Variants in MAU2 observed in about 807,000 individuals in gnomAD.
MAU2 encodes the protein MAU2 chromatid cohesion factor homolog.
Under a neutral mutation model 89.1 loss-of-function variants are expected in MAU2, and 9 were observed. The ratio of observed to expected loss-of-function variants is 0.10; its 90% CI spans 0.06 to 0.18. MAU2 has a LOEUF of 0.18. Ranked by LOEUF, MAU2 falls within the 10% of genes least tolerant of loss-of-function variation. The pLI, the probability that MAU2 is intolerant of heterozygous loss-of-function variation, is 1.00. For missense variants in MAU2, 425 were observed against 803.5 expected (o/e 0.53, Z 5.69); for synonymous variants, 357 against 343.4 (o/e 1.04, Z -0.44).
chr19:19,335,965 C>T lies in MAU2; in HGVS notation c.295-157C>T, dbSNP rs75346370. ...GCTCCAAGCCCTGCCCTGCAGCAAG[C>T]TCAAGGTTCACTGGGGGAACAGGAA... On this transcript the variant is annotated intron_variant, in intron 2 of 18. Coordinates refer to ENST00000262815, the MANE Select transcript of MAU2 (RefSeq NM_015329.4). 9.5e-3 allele frequency among the ~76,000 whole-genome samples: 1,442 copies of T among 152,198 alleles called. 24 individuals carry two copies. The highest frequency in any genetic ancestry group is 0.033 in the African/African-American group (1,353 of 41,506).
intron 16 of MAU2, 25 bp downstream of exon 16, chr19:19,349,461 C>T (rs755341065): frequency 6.9e-6 from 11 of 1,598,192 alleles, no homozygotes; most frequent in Middle Eastern, 1.7e-4. Flanking sequence ...CTGGGCCCCT[C>T]GCTTGGGTGC....
chr19:19,324,875 T>C (rs528129604), intron 1 of MAU2, among the ~76,000 whole-genome samples: 1 of 152,348 alleles, frequency 6.6e-6, no homozygotes, highest in African/African-American at 2.4e-5. Context: ...GAATTTTTTT[T>C]GTGTTACAAC....
intron 7 of MAU2, 140 bp downstream of exon 7, chr19:19,341,547 G>GAC (rs2061646939): frequency 9.7e-7 from 1 of 1,035,158 alleles, no homozygotes; most frequent in Non-Finnish European, 1.4e-6. Flanking sequence ...ACCAGTCCCG[G>GAC]ACACACACAC....
rs779730747 is a variant in MAU2, at chr19:19,344,945, A to G, written c.1155+19A>G. 103 of 1,610,572 alleles carry G rather than the reference A, an allele frequency of 6.4e-5. No individual in the cohort carries two copies. The Admixed American group carries it at 1.7e-3, about 26-fold the overall frequency. On this transcript the variant is annotated intron_variant, in intron 11 of 18. Coordinates refer to ENST00000262815, the MANE Select transcript of MAU2 (RefSeq NM_015329.4). ...ATTGCTGGTGAGTAACCCTGTGACA[A>G]CACCCCGGGAGAATCCAGAATGTTC...
chr19:19,355,989 C>T lies in MAU2; in HGVS notation c.*207C>T. The T allele has an allele frequency of 1.5e-6, 1 of 682,090 alleles. No homozygotes were observed. The highest frequency in any genetic ancestry group is 2.7e-6 in the Non-Finnish European group (1 of 372,412). The allele number at this position is 682,090 out of a possible 1,614,324, so 42.3% of individuals were successfully genotyped here. A position where few individuals can be genotyped will look rare whatever the true frequency, so the allele number is the denominator to read the frequency against. ...CAGCAGGACCCCCAGTGCAGAGGCT[C>T]ACAGGTGGCACACAGGCGCTGTCTC... On this transcript the variant is annotated 3_prime_UTR_variant, in exon 19 of 19. Transcript: ENST00000262815.
chr19:19,354,135 G>A (rs866005287), intron 16 of MAU2: 1 of 583,524 alleles, frequency 1.7e-6, no homozygotes, highest in African/African-American at 1.9e-5. Flanking sequence ...GTGAGGGCAT[G>A]AGCCAGAAGT....
intron 18 of MAU2, 148 bp from the exon 19 acceptor site, chr19:19,355,560 C>T (rs1379716842): frequency 2.6e-5 from 31 of 1,197,822 alleles, no homozygotes; most frequent in Middle Eastern, 3.9e-4. Context: ...AAGCAAGGGA[C>T]CCAGGTGTCT....
chr19:19,348,340 G>A (rs914473529), intron 13 of MAU2: 3 of 188,576 alleles, frequency 1.6e-5, no homozygotes, highest in African/African-American at 7.2e-5. Flanking sequence ...CTCCAGCCTG[G>A]GCGACAGAGC....
intron 16 of MAU2, among the ~76,000 whole-genome samples, chr19:19,349,911 G>A (rs2061728048): frequency 1.3e-5 from 2 of 151,780 alleles, no homozygotes; most frequent in African/African-American, 4.8e-5. Flanking sequence ...GGTGGGACTG[G>A]CCGCCTCAGT....
intron 4 of MAU2, 110 bp downstream of exon 4, chr19:19,337,375 G>T: frequency 1.2e-6 from 1 of 827,648 alleles, no homozygotes. Flanking sequence ...GACCCCCTCG[G>T]GCTGGCACAT....
chr19:19,341,460 G>A, intron 7 of MAU2, 53 bp downstream of exon 7: 4 of 1,599,090 alleles, frequency 2.5e-6, no homozygotes, highest in Non-Finnish European at 3.4e-6. Flanking sequence ...GGTATGGGTG[G>A]TACCCAGGCC....
In MAU2 at chr19:19,345,083, C is replaced by T. The variant is rs2061682382; in HGVS notation, c.1155+157C>T. On this transcript the variant is annotated intron_variant, in intron 11 of 18. Coordinates refer to ENST00000262815, the MANE Select transcript of MAU2 (RefSeq NM_015329.4). This position sits in a 1 kb window ranked among gnomAD's most constrained non-coding sequence, Gnocchi z 4.9. ...TAGGTAATCATATAACCTTCCCAGG[C>T]ACGATCCGGAATGCTCCCAGTGAGC... is the stretch of plus-strand genomic sequence containing the variant. 7.8e-6 allele frequency: 6 copies of T among 772,230 alleles called. No homozygotes were observed. The highest frequency in any genetic ancestry group is 2.2e-5 in the Admixed American group (1 of 46,086). The allele number at this position is 772,230 out of a possible 1,614,324, so 47.8% of individuals were successfully genotyped here.
intron 12 of MAU2, among the ~76,000 whole-genome samples, chr19:19,346,711 T>C (rs1335212186): frequency 6.6e-6 from 1 of 152,130 alleles, no homozygotes; most frequent in Admixed American, 6.5e-5. Flanking sequence ...TTGGACCCTC[T>C]CTTGACGAAC....
At chr19:19,347,674 C>A in intron 13 of MAU2, 1 of 243,516 alleles carries the variant, frequency 4.1e-6, no homozygotes, top group Non-Finnish European at 8.0e-6. Context: ...TCTAGGATGT[C>A]GGCCAGGCAT....
chr19:19,327,357 G>T (rs942853002), intron 1 of MAU2, among the ~76,000 whole-genome samples: 1 of 147,654 alleles, frequency 6.8e-6, no homozygotes, highest in African/African-American at 2.5e-5. Context: ...ACAGAGTCTC[G>T]CTCTGTCGCC....
rs1178708133 is a variant in MAU2 at position 19,345,780 on chromosome 19, AGAG to A, written c.1221+417_1221+419del. 1.3e-5 allele frequency among the ~76,000 whole-genome samples: 2 copies of A among 152,168 alleles called. No homozygotes were observed. The highest frequency in any genetic ancestry group is 4.8e-5 in the African/African-American group (2 of 41,428). On this transcript the variant is annotated intron_variant, in intron 12 of 18. Coordinates refer to ENST00000262815, the MANE Select transcript of MAU2 (RefSeq NM_015329.4). This position sits in a 1 kb window ranked among gnomAD's most constrained non-coding sequence, Gnocchi z 4.9. Reference sequence around the variant, plus strand: ...GCCATCTCCCAGGTGCTCTTTGGACAGAGGAGGACTCTTGGTCCTGCTGGGCCG... The same window carrying A: ...GCCATCTCCCAGGTGCTCTTTGGACAGAGGACTCTTGGTCCTGCTGGGCCG...
rs1231584551 is a variant in MAU2 at position 19,340,985 on chromosome 19, G to T, written c.579+112G>T. 2.8e-6 allele frequency: 4 copies of T among 1,420,822 alleles called. No individual in the cohort carries two copies. The African/African-American group carries it at 4.2e-5, about 15-fold the overall frequency. 88.0% of individuals were successfully genotyped at this position (1,420,822 alleles called of 1,614,324 possible). On this transcript the variant is annotated intron_variant, in intron 6 of 18. Coordinates refer to ENST00000262815, the MANE Select transcript of MAU2 (RefSeq NM_015329.4). ...CTCTCCATGGCATGGCCCCTTAGGC[G>T]CCCAGACCCTTAGGCACAGTGAGCA...
chr19:19,330,998 G>C (rs1021184642), intron 1 of MAU2, among the ~76,000 whole-genome samples: 1 of 152,136 alleles, frequency 6.6e-6, no homozygotes, highest in Non-Finnish European at 1.5e-5. Context: ...CACCAGAGCT[G>C]TGCTGGTCTG....
In MAU2 at chr19:19,321,273, C is replaced by T. The variant is rs1316770141; in HGVS notation, c.276+138C>T. 7 of 1,060,986 alleles carry T rather than the reference C, an allele frequency of 6.6e-6. No individual in the cohort carries two copies. The African/African-American group carries it at 1.2e-4, about 18-fold the overall frequency. The allele number at this position is 1,060,986 out of a possible 1,614,324, so 65.7% of individuals were successfully genotyped here. A position where few individuals can be genotyped will look rare whatever the true frequency, so the allele number is the denominator to read the frequency against. ...ACCTCCGTCAAAGCCGCAGGACCCCCACCCGCCTCTGCCGGACCCCAAAGC... is the reference window on the plus strand; with the variant it reads ...ACCTCCGTCAAAGCCGCAGGACCCCTACCCGCCTCTGCCGGACCCCAAAGC... On this transcript the variant is annotated intron_variant, in intron 1 of 18. Coordinates refer to ENST00000262815, the MANE Select transcript of MAU2 (RefSeq NM_015329.4).
Sources: allele counts gnomAD v4.1 joint callset (sites outside exome capture counted in the v4.1 genomes callset), GRCh38; gene constraint gnomAD v4.1.1; non-coding constraint Gnocchi (gnomAD v3.1); transcripts MANE v1.5; gene names NCBI Gene and HGNC (gene_info 2026-07-23, HGNC 2026-07-21).